The following DIAPH2 variants were observed in gnomAD, a reference collection of about 807,000 sequenced individuals.
The protein encoded by DIAPH2 is protein diaphanous homolog 2.
A neutral mutation model predicts 92.7 loss-of-function variants in DIAPH2; 35 were observed. The observed-to-expected ratio is 0.38, with a 90% CI of 0.29 to 0.50. DIAPH2 has a LOEUF of 0.50. Ranked by LOEUF, DIAPH2 falls within the 20% of genes least tolerant of loss-of-function variation. DIAPH2 has a pLI of 0.94. For missense variants in DIAPH2, 701 were observed against 819.5 expected (o/e 0.86, Z 1.77); for synonymous variants, 301 against 280.4 (o/e 1.07, Z -0.73).
intron 4 of DIAPH2, among the ~76,000 whole-genome samples, chrX:96,879,731 CT>C (rs1328918995): frequency 2.7e-5 from 3 of 110,428 alleles, no homozygotes; most frequent in Non-Finnish European, 5.7e-5. Context: ...ATCCAGTATA[CT>C]TTTTTATTTG....
At chrX:97,499,920 T>G (rs368464449) in intron 26 of DIAPH2, among the ~76,000 whole-genome samples, 13 of 112,457 alleles carry the variant, frequency 1.2e-4, no homozygotes, top group African/African-American at 4.2e-4. Context: ...TGGCTGGACA[T>G]GGCATAGGTG....
chrX:96,854,881 G>A (rs2065030272), intron 4 of DIAPH2, among the ~76,000 whole-genome samples: 1 of 107,449 alleles, frequency 9.3e-6, no homozygotes, highest in Admixed American at 1.0e-4. Flanking sequence ...CTGTGGAAGG[G>A]TAAACAAAAC....
intron 24 of DIAPH2, among the ~76,000 whole-genome samples, chrX:97,349,098 AT>A (rs1186232698): frequency 8.6e-4 from 68 of 79,005 alleles, no homozygotes; most frequent in African/African-American, 2.9e-3. Flanking sequence ...TTTTTTTTTA[AT>A]TTTTTTTGAT....
chrX:97,244,795 A>C (rs957699627), intron 22 of DIAPH2, among the ~76,000 whole-genome samples: 2 of 112,052 alleles, frequency 1.8e-5, no homozygotes, highest in African/African-American at 6.5e-5. Flanking sequence ...TGCATATAGC[A>C]AAGTTAGCTC....
chrX:97,497,567 A>G (rs1212334997), intron 26 of DIAPH2, among the ~76,000 whole-genome samples: 4 of 110,012 alleles, frequency 3.6e-5, no homozygotes, highest in Non-Finnish European at 5.7e-5. Context: ...GCACTTTAGG[A>G]GGCCGAGTTT....
At chrX:96,710,705 A>G (rs1687967720) in intron 1 of DIAPH2, among the ~76,000 whole-genome samples, 1 of 110,816 alleles carries the variant, frequency 9.0e-6, no homozygotes, top group African/African-American at 3.3e-5. Flanking sequence ...TTTTCTAAAT[A>G]TTTTATTTTT....
intron 26 of DIAPH2, among the ~76,000 whole-genome samples, chrX:97,507,220 A>G (rs1037262778): frequency 9.2e-6 from 1 of 109,205 alleles, no homozygotes; most frequent in Non-Finnish European, 1.9e-5. Flanking sequence ...TTTATGCAGA[A>G]TACGCATCTT....
intron 24 of DIAPH2, among the ~76,000 whole-genome samples, chrX:97,359,324 C>A (rs1359840672): frequency 9.0e-6 from 1 of 110,956 alleles, no homozygotes; most frequent in Non-Finnish European, 1.9e-5. Context: ...CTAGGGTGTT[C>A]TTTTTTAATC....
chrX:96,815,237 C>A (rs952294362), intron 4 of DIAPH2, among the ~76,000 whole-genome samples: 2 of 112,065 alleles, frequency 1.8e-5, no homozygotes, highest in African/African-American at 6.5e-5. Flanking sequence ...CAAGCCTCAG[C>A]AATGGTGGAT....
At chrX:96,736,124 AAATT>A (rs1461845746) in intron 2 of DIAPH2, among the ~76,000 whole-genome samples, 1 of 111,594 alleles carries the variant, frequency 9.0e-6, no homozygotes, top group Admixed American at 9.5e-5. Flanking sequence ...ATATTGGAGG[AAATT>A]AATTTCCATT....
chrX:96,765,508 C>T (rs1291768660), intron 4 of DIAPH2, among the ~76,000 whole-genome samples: 1 of 111,490 alleles, frequency 9.0e-6, no homozygotes, highest in Non-Finnish European at 1.9e-5. Context: ...CCACATAATT[C>T]TATTATAGTA....
At chrX:97,510,973 G>A (rs1215048146) in intron 26 of DIAPH2, among the ~76,000 whole-genome samples, 2 of 109,546 alleles carry the variant, frequency 1.8e-5, no homozygotes, top group Non-Finnish European at 3.8e-5. Context: ...TTTTGGCTTA[G>A]GATTGTCTTG....
chrX:97,443,248 T>C (rs749440202), intron 26 of DIAPH2, among the ~76,000 whole-genome samples: 78 of 112,211 alleles, frequency 7.0e-4, no homozygotes, highest in African/African-American at 2.4e-3. Context: ...TCTTGGTATC[T>C]TTTGCATTTG....
chrX:96,785,737 A>G (rs2064451866), intron 4 of DIAPH2, among the ~76,000 whole-genome samples: 1 of 109,210 alleles, frequency 9.2e-6, no homozygotes, highest in African/African-American at 3.3e-5. Context: ...TTGGCCTCCC[A>G]AAGTGCTGGG....
intron 26 of DIAPH2, among the ~76,000 whole-genome samples, chrX:97,458,027 A>G (rs2070423111): frequency 1.8e-5 from 2 of 111,957 alleles, no homozygotes; most frequent in Admixed American, 1.9e-4. Context: ...AGAGTGAGTG[A>G]TCTAAGAGAG....
At chrX:97,297,891 C>A (rs1468143046) in intron 23 of DIAPH2, among the ~76,000 whole-genome samples, 1 of 110,299 alleles carries the variant, frequency 9.1e-6, no homozygotes, top group African/African-American at 3.3e-5. Flanking sequence ...TACAGTTACC[C>A]CCTCCATAAT....
chrX:97,364,324 C>T (rs773247627), intron 24 of DIAPH2, among the ~76,000 whole-genome samples: 23 of 111,982 alleles, frequency 2.1e-4, no homozygotes, highest in East Asian at 5.6e-4. Context: ...AGAATTCAGG[C>T]AACCCAAAAC....
In DIAPH2 at chrX:97,060,802, G is replaced by A. The variant is rs866281161; in HGVS notation, c.2051-12139G>A. On this transcript the variant is annotated intron_variant, in intron 17 of 26. Transcript: ENST00000324765. ...TACAGCACTGAATATAGTATTAAAC[G>A]GTAGTTCTCACAGAAGACGGAGTTT... Among the ~76,000 whole-genome samples, 5 of 112,034 alleles carry A rather than the reference G, an allele frequency of 4.5e-5. No homozygotes were observed. The Middle Eastern group carries it at 0.014, about 311-fold the overall frequency.
At chrX:96,862,521 T>C (rs1280634537) in intron 4 of DIAPH2, among the ~76,000 whole-genome samples, 4 of 111,856 alleles carry the variant, frequency 3.6e-5, no homozygotes, top group Admixed American at 1.9e-4. Flanking sequence ...TAGTAGACAC[T>C]CATTGGATAA....
Sources: allele counts gnomAD v4.1 joint callset (sites outside exome capture counted in the v4.1 genomes callset), GRCh38; gene constraint gnomAD v4.1.1; transcripts MANE v1.5; gene names NCBI Gene and HGNC (gene_info 2026-07-23, HGNC 2026-07-21).